Variants in ANKRD42 observed in about 807,000 individuals in gnomAD.
ANKRD42 encodes the protein ankyrin repeat domain 42, also known as ankyrin repeat domain-containing protein 42.
Under a neutral mutation model 51.5 loss-of-function variants are expected in ANKRD42, and 43 were observed. That is an observed-to-expected ratio of 0.83 (90% CI 0.65 to 1.08). ANKRD42 has a LOEUF of 1.08. ANKRD42 is among the 50% of genes least tolerant of loss of function. ANKRD42 has a pLI of 0.00. For synonymous variants in ANKRD42, 203 were observed against 213.0 expected, an observed-to-expected ratio of 0.95 and a Z score of 0.41; for missense variants, 608 against 629.3, an observed-to-expected ratio of 0.97 and a Z score of 0.36.
At chr11:83,216,049 C>T (rs1244206645) in intron 5 of ANKRD42, among the ~76,000 whole-genome samples, 2 of 152,212 alleles carry the variant, frequency 1.3e-5, no homozygotes, top group Non-Finnish European at 2.9e-5. Flanking sequence ...CCCACCTCGG[C>T]CACCCAAAGT....
At chr11:83,245,452 A>G (rs1863515613) in intron 9 of ANKRD42, 46 bp from the exon 10 acceptor site, 2 of 1,524,280 alleles carry the variant, frequency 1.3e-6, no homozygotes, top group Non-Finnish European at 1.8e-6. Context: ...TGGACACATG[A>G]GCTGTTATAT....
At chr11:83,229,744 C>T (rs2135535234) in intron 7 of ANKRD42, among the ~76,000 whole-genome samples, 1 of 152,234 alleles carries the variant, frequency 6.6e-6, no homozygotes, top group African/African-American at 2.4e-5. Flanking sequence ...GTCCATCCAT[C>T]AAGGACTCCT....
intron 5 of ANKRD42, among the ~76,000 whole-genome samples, chr11:83,212,047 CCT>C (rs1862343179): frequency 6.6e-6 from 1 of 151,912 alleles, no homozygotes; most frequent in African/African-American, 2.4e-5. Context: ...TTTAACTTCA[CCT>C]CTCTCTGCCC....
At chr11:83,198,065 A>G (rs1285507725) in intron 1 of ANKRD42, among the ~76,000 whole-genome samples, 4 of 152,114 alleles carry the variant, frequency 2.6e-5, no homozygotes, top group Non-Finnish European at 5.9e-5. Context: ...TGTGGCCCTT[A>G]GAAGTTTCTC....
intron 5 of ANKRD42, among the ~76,000 whole-genome samples, chr11:83,212,035 T>G (rs1862342296): frequency 6.6e-6 from 1 of 152,166 alleles, no homozygotes; most frequent in South Asian, 2.1e-4. Flanking sequence ...GTGTTTTTAT[T>G]TTTTAACTTC....
intron 7 of ANKRD42, among the ~76,000 whole-genome samples, chr11:83,236,065 G>C (rs1358479903): frequency 2.0e-5 from 3 of 152,196 alleles, no homozygotes; most frequent in Non-Finnish European, 4.4e-5. Context: ...ATAAGCACTG[G>C]ATAGTATTAG....
In ANKRD42 at chr11:83,255,754, A is replaced by T. The variant is rs1863759812; in HGVS notation, c.1465-91A>T. 9 of 924,232 alleles carry T rather than the reference A, an allele frequency of 9.7e-6. No individual in the cohort carries two copies. The South Asian group carries it at 1.3e-4, about 13-fold the overall frequency. The allele number at this position is 924,232 out of a possible 1,614,324, so 57.3% of individuals were successfully genotyped here. On this transcript the variant is annotated intron_variant, in intron 11 of 11. Coordinates refer to the ANKRD42 transcript ENST00000260047. Reference sequence around the variant, plus strand: ...AGAGTTGAAAATACTAGCATGGTTAATTTTTTTTTCTTTTGAACAGGCAAT... The same window carrying T: ...AGAGTTGAAAATACTAGCATGGTTATTTTTTTTTTCTTTTGAACAGGCAAT...
intron 9 of ANKRD42, among the ~76,000 whole-genome samples, chr11:83,241,701 C>A (rs997449992): frequency 6.6e-6 from 1 of 152,098 alleles, no homozygotes; most frequent in Non-Finnish European, 1.5e-5. Flanking sequence ...TTTATTTGTT[C>A]ATTTTTCCCC....
At chr11:83,244,257 A>G (rs967464176) in intron 9 of ANKRD42, among the ~76,000 whole-genome samples, 3 of 152,180 alleles carry the variant, frequency 2.0e-5, no homozygotes, top group African/African-American at 7.2e-5. Context: ...CTGGGGTTAT[A>G]GGCGTGAGCC....
At chr11:83,245,151 G>A (rs1184550561) in intron 9 of ANKRD42, among the ~76,000 whole-genome samples, 3 of 152,096 alleles carry the variant, frequency 2.0e-5, no homozygotes, top group East Asian at 1.9e-4. Context: ...TGATCCACCC[G>A]CCTCGGCCTC....
At chr11:83,239,654 C>T (rs966042891) in intron 8 of ANKRD42, among the ~76,000 whole-genome samples, 6 of 84,532 alleles carry the variant, frequency 7.1e-5, no homozygotes, top group Non-Finnish European at 1.4e-4. Context: ...ATCCTTTCTC[C>T]ACTGCCTTTG....
At chr11:83,262,185 A>C (rs1863967570), downstream of ANKRD42, among the ~76,000 whole-genome samples, 1 of 152,174 alleles carries the variant, frequency 6.6e-6, no homozygotes, top group African/African-American at 2.4e-5. Flanking sequence ...ATTAAAATGT[A>C]AATTATGTCA....
intron 5 of ANKRD42, among the ~76,000 whole-genome samples, chr11:83,224,332 T>G (rs1862807569): frequency 6.6e-6 from 1 of 152,222 alleles, no homozygotes; most frequent in Admixed American, 6.5e-5. Context: ...AATAAGCATT[T>G]TATCCTGTAA....
In ANKRD42 at chr11:83,248,343, T is replaced by G; in HGVS notation, c.*139T>G. The stretch of plus-strand genomic sequence containing the variant: ...CACACACACACACACACACTCTATA[T>G]GTAACTATAACTTTCTAGATACATA... On this transcript the variant is annotated 3_prime_UTR_variant, in exon 11 of 11. Coordinates refer to ENST00000533342, the MANE Select transcript of ANKRD42 (RefSeq NM_001300975.2). The G allele has an allele frequency of 7.3e-7, 1 of 1,372,504 alleles. No homozygotes were observed. The highest frequency in any genetic ancestry group is 9.3e-7 in the Non-Finnish European group (1 of 1,071,340). 85.0% of individuals were successfully genotyped at this position (1,372,504 alleles called of 1,614,324 possible).
At chr11:83,246,048 A>G (rs1047705903) in intron 10 of ANKRD42, among the ~76,000 whole-genome samples, 1 of 152,196 alleles carries the variant, frequency 6.6e-6, no homozygotes, top group African/African-American at 2.4e-5. Context: ...GAGCAAGTGC[A>G]TGGTTGTCTC....
intron 1 of ANKRD42, 41 bp downstream of exon 1, chr11:83,194,769 C>G (rs1861567549): frequency 2.0e-6 from 3 of 1,526,054 alleles, no homozygotes; most frequent in East Asian, 2.3e-5. Context: ...TGTCGTATTC[C>G]TTTTCTCACT....
intron 1 of ANKRD42, among the ~76,000 whole-genome samples, chr11:83,197,008 G>A (rs1861684084): frequency 6.6e-6 from 1 of 152,122 alleles, no homozygotes; most frequent in Non-Finnish European, 1.5e-5. Context: ...ATCATTTGTA[G>A]GTCTGGCTGT....
At chr11:83,207,736 C>G (rs1302400298) in intron 3 of ANKRD42, among the ~76,000 whole-genome samples, 1 of 152,318 alleles carries the variant, frequency 6.6e-6, no homozygotes, top group Admixed American at 6.5e-5. Flanking sequence ...AAGCAAGTGA[C>G]AGAGCTAGGA....
chr11:83,195,121 T>C (rs1049663223), intron 1 of ANKRD42, among the ~76,000 whole-genome samples: 4 of 152,230 alleles, frequency 2.6e-5, no homozygotes, highest in African/African-American at 9.6e-5. Context: ...TTTCTTTTCT[T>C]CTGCCATCTT....
Sources: gnomAD v4.1 joint callset for allele counts (sites outside exome capture counted in the v4.1 genomes callset) on GRCh38, gnomAD v4.1.1 for gene constraint, MANE v1.5 for transcripts, NCBI Gene and HGNC (gene_info 2026-07-23, HGNC 2026-07-21) for gene names.